The following RASAL2 variants were observed in gnomAD, a reference collection of about 807,000 sequenced individuals.
RASAL2 encodes RAS protein activator like 2, also known as ras GTPase-activating protein nGAP.
In RASAL2, 58 loss-of-function variants were observed where a neutral mutation model predicts 128.9. That is an observed-to-expected ratio of 0.45 (90% confidence interval 0.36 to 0.56). The LOEUF (loss-of-function observed/expected upper bound fraction) is 0.56. Ranked by LOEUF, RASAL2 falls within the 20% of genes least tolerant of loss-of-function variation. RASAL2 has a pLI of 0.00. For synonymous variants in RASAL2, 561 were observed against 580.8 expected (o/e 0.97, Z 0.49); for missense variants, 1,360 against 1,601.6 (o/e 0.85, Z 2.57).
At chr1:178,116,811 C>T (rs1281254038) in intron 1 of RASAL2, among the ~76,000 whole-genome samples, 3 of 152,038 alleles carry the variant, frequency 2.0e-5, no homozygotes, top group African/African-American at 7.2e-5. Flanking sequence ...GGGGTTTCAC[C>T]GTGTTAGCCA....
intron 4 of RASAL2, among the ~76,000 whole-genome samples, chr1:178,393,401 C>A (rs960758820): frequency 6.6e-6 from 1 of 152,216 alleles, no homozygotes; most frequent in Non-Finnish European, 1.5e-5. Context: ...CAGGAACACA[C>A]AACCTAGATC....
At chr1:178,412,849 A>T (rs973713746) in intron 4 of RASAL2, among the ~76,000 whole-genome samples, 1 of 152,112 alleles carries the variant, frequency 6.6e-6, no homozygotes, top group Admixed American at 6.5e-5. Context: ...TTTACCTCCT[A>T]GAGTCCTACC....
At chr1:178,213,905 C>T (rs1663338248) in intron 1 of RASAL2, among the ~76,000 whole-genome samples, 1 of 151,148 alleles carries the variant, frequency 6.6e-6, no homozygotes, top group African/African-American at 2.4e-5. Flanking sequence ...AAAAAAAAAA[C>T]TCCAAACACA....
Position 178,114,738 on chromosome 1 carries a change from G to T in RASAL2, c.202+20044G>T, listed in dbSNP as rs564868899. On this transcript the variant is annotated intron_variant, in intron 1 of 17. Transcript: ENST00000367649. Reference sequence around the variant, plus strand: ...GGTGTTTCACCATGTTAGCCAGGATGGTCTCGATCTCCTGACCTCGTGATC... The same window carrying T: ...GGTGTTTCACCATGTTAGCCAGGATTGTCTCGATCTCCTGACCTCGTGATC... 1.5e-3 allele frequency among the ~76,000 whole-genome samples: 227 copies of T among 152,252 alleles called. 1 individual carries two copies. The highest frequency in any genetic ancestry group is 5.2e-3 in the African/African-American group (218 of 41,558).
Position 178,283,634 on chromosome 1 carries a change from G to A in RASAL2, c.273G>A (p.Glu91=), listed in dbSNP as rs1403142769. The part of the protein sequence containing the change: ...QSPYTETTTW[E]RKYCILTDSQ... ...CCTACACCGAGACAACAACGTGGGAGCGGAAGTATTGCATCCTCACAGACA... is the reference window on the plus strand; with the variant it reads ...CCTACACCGAGACAACAACGTGGGAACGGAAGTATTGCATCCTCACAGACA... Residue 91 remains glutamate, a synonymous_variant, in exon 2 of 18, where the codon GAG becomes GAA. Coordinates refer to ENST00000367649, the MANE Select transcript of RASAL2 (RefSeq NM_170692.4). The A allele has an allele frequency of 6.2e-7, 1 of 1,613,984 alleles. No individual in the cohort carries two copies. Among genetic ancestry groups the A allele is most frequent in the Admixed American group, 1.7e-5 (1 of 60,004 alleles).
intron 4 of RASAL2, among the ~76,000 whole-genome samples, chr1:178,406,960 T>C (rs1674041070): frequency 6.6e-6 from 1 of 152,086 alleles, no homozygotes; most frequent in African/African-American, 2.4e-5. Flanking sequence ...AAAGTTTTAG[T>C]TTGCTTAATA....
chr1:178,251,158 G>A (rs895581202), intron 1 of RASAL2, among the ~76,000 whole-genome samples: 5 of 152,150 alleles, frequency 3.3e-5, no homozygotes, highest in African/African-American at 1.2e-4. Context: ...ACCTTTTCGT[G>A]TCTAAATCTA....
chr1:178,141,023 G>A (rs1660503965), intron 1 of RASAL2, among the ~76,000 whole-genome samples: 1 of 152,062 alleles, frequency 6.6e-6, no homozygotes, highest in African/African-American at 2.4e-5. Context: ...AAGGAGTGGG[G>A]GAGGCACTAC....
At chr1:178,310,914 C>A (rs1051365941) in intron 3 of RASAL2, among the ~76,000 whole-genome samples, 5 of 152,084 alleles carry the variant, frequency 3.3e-5, no homozygotes, top group African/African-American at 1.2e-4. Context: ...GTTACTGTTC[C>A]CAGTTTGTAC....
At chr1:178,297,445 TA>T (rs200383838) in intron 2 of RASAL2, among the ~76,000 whole-genome samples, 243 of 138,510 alleles carry the variant, frequency 1.8e-3, no homozygotes, top group African/African-American at 2.1e-3. Flanking sequence ...CTACTAAAAA[TA>T]AAAAAAAAAA....
chr1:178,436,919 C>G (rs1676291667), intron 5 of RASAL2, among the ~76,000 whole-genome samples: 1 of 152,002 alleles, frequency 6.6e-6, no homozygotes, highest in South Asian at 2.1e-4. Flanking sequence ...TTGGCCTCGT[C>G]TCTTTTCTAT....
chr1:178,155,379 T>TAA (rs1157751909), intron 1 of RASAL2, among the ~76,000 whole-genome samples: 7 of 151,668 alleles, frequency 4.6e-5, no homozygotes, highest in Non-Finnish European at 1.0e-4. Flanking sequence ...ATTTGCTGTT[T>TAA]ATTTTAAAAA....
At chr1:178,419,862 A>G (rs1018634166) in intron 4 of RASAL2, among the ~76,000 whole-genome samples, 8 of 152,248 alleles carry the variant, frequency 5.3e-5, no homozygotes, top group Non-Finnish European at 1.0e-4. Context: ...TAAATGATCT[A>G]TACTTCATTT....
At position 178,179,209 on chromosome 1, in the gene RASAL2, C is replaced by T. The variant is rs539604212; in HGVS notation, c.202+84515C>T. ...TGTGGTGTAAATATTCCTGTTATGG[C>T]TGATTTCAAGCTACCAGCCTGAAGT... On this transcript the variant is annotated intron_variant, in intron 1 of 17. Coordinates refer to ENST00000367649, the MANE Select transcript of RASAL2 (RefSeq NM_170692.4). Among the ~76,000 whole-genome samples the T allele has an allele frequency of 1.1e-4, 16 of 152,196 alleles. No individual in the cohort carries two copies. The East Asian group carries it at 2.3e-3, about 22-fold the overall frequency.
chr1:178,324,343 C>T (rs1337688672), intron 3 of RASAL2, among the ~76,000 whole-genome samples: 1 of 151,666 alleles, frequency 6.6e-6, no homozygotes, highest in Non-Finnish European at 1.5e-5. Context: ...TTGCTTTGGT[C>T]CAGGATTTTG....
chr1:178,352,972 C>G (rs1185913037), intron 3 of RASAL2, among the ~76,000 whole-genome samples: 1 of 152,222 alleles, frequency 6.6e-6, no homozygotes, highest in African/African-American at 2.4e-5. Flanking sequence ...TGGGCCTGGC[C>G]CACAGAACCA....
At chr1:178,126,509 T>C (rs911484244) in intron 1 of RASAL2, among the ~76,000 whole-genome samples, 10 of 152,230 alleles carry the variant, frequency 6.6e-5, no homozygotes, top group African/African-American at 2.4e-4. Context: ...GAGTAAGATT[T>C]AAAGAAACAC....
At chr1:178,300,191 CAG>C (rs1253041834) in intron 3 of RASAL2, 73 bp downstream of exon 3, 12 of 1,461,320 alleles carry the variant, frequency 8.2e-6, no homozygotes, top group Non-Finnish European at 9.2e-6. Context: ...CTGAGTAAAA[CAG>C]AACATCCTGC....
At chr1:178,416,760 CT>C (rs977072911) in intron 4 of RASAL2, among the ~76,000 whole-genome samples, 2 of 150,810 alleles carry the variant, frequency 1.3e-5, no homozygotes, top group African/African-American at 2.4e-5. Context: ...AGTTTGGGTT[CT>C]TTTTTTTTCC....
Sources: allele counts gnomAD v4.1 joint callset (sites outside exome capture counted in the v4.1 genomes callset), GRCh38; gene constraint gnomAD v4.1.1; transcripts MANE v1.5; gene names NCBI Gene and HGNC (gene_info 2026-07-23, HGNC 2026-07-21).